CMYA5: variants seen among roughly 807,000 people sequenced by gnomAD.
CMYA5 encodes the protein cardiomyopathy associated 5, also known as cardiomyopathy-associated protein 5.
Under a neutral mutation model 318.9 loss-of-function variants are expected in CMYA5, and 246 were observed. That is an observed-to-expected ratio of 0.77 (90% CI 0.70 to 0.86). The LOEUF (loss-of-function observed/expected upper bound fraction) is 0.86. CMYA5 is among the 40% of genes least tolerant of loss of function. CMYA5 has a pLI of 0.00. For missense variants in CMYA5, 4,589 were observed against 4,678.2 expected, an observed-to-expected ratio of 0.98 and a Z score of 0.56; for synonymous variants, 1,641 against 1,729.5, an observed-to-expected ratio of 0.95 and a Z score of 1.27.
Position 79,737,619 on chromosome 5 carries a change from G to A in CMYA5, c.8854G>A (p.Glu2952Lys). 6.2e-7 allele frequency: 1 copy of A among 1,613,690 alleles called. No individual in the cohort carries two copies. Among genetic ancestry groups the A allele is most frequent in the Non-Finnish European group, 8.5e-7 (1 of 1,179,806 alleles). Residue 2952 changes from glutamate (E) to lysine (K), a missense_variant, in exon 2 of 13, where the codon GAG becomes AAG. Around this residue, in one of 3 missense-constraint regions of CMYA5, gnomAD observed 2,431 missense variants for 2,495.1 expected, o/e 0.97. Coordinates refer to ENST00000446378, the MANE Select transcript of CMYA5 (RefSeq NM_153610.5). ...CTTTAGTATCATTTCTGAAGGCTGT[G>A]AGATATTGAATATTCATGCTCCGGC... is the stretch of plus-strand genomic sequence containing the variant. ...TAFSIISEGC[E>K]ILNIHAPAFI...
chr5:79,799,873 A>ACGGCGACCAGCG lies in CMYA5; in HGVS notation c.*257_*258insCGGCGACCAGCG. The ACGGCGACCAGCG allele has an allele frequency of 7.0e-6, 1 of 142,348 alleles. No individual in the cohort carries two copies. Among genetic ancestry groups the ACGGCGACCAGCG allele is most frequent in the African/African-American group, 3.8e-5 (1 of 26,158 alleles). The allele number at this position is 142,348 out of a possible 1,614,324, so 8.8% of individuals were successfully genotyped here. On this transcript the variant is annotated 3_prime_UTR_variant, in exon 13 of 13. Coordinates refer to ENST00000446378, the MANE Select transcript of CMYA5 (RefSeq NM_153610.5). ...AAGTTTGAGTTCTTTCCTAAATTAAAAGATCTACACTTGAGTTGGGAACCG... is the reference window on the plus strand; with the variant it reads ...AAGTTTGAGTTCTTTCCTAAATTAAACGGCGACCAGCGAGATCTACACTTGAGTTGGGAACCG...
At chr5:79,756,366 C>G (rs914350170) in intron 6 of CMYA5, among the ~76,000 whole-genome samples, 6 of 150,920 alleles carry the variant, frequency 4.0e-5, no homozygotes, top group Non-Finnish European at 8.9e-5. Context: ...CCTGCCTTGC[C>G]CCTCTGTTTC....
intron 1 of CMYA5, among the ~76,000 whole-genome samples, chr5:79,717,213 T>C (rs780715242): frequency 6.6e-5 from 10 of 152,192 alleles, no homozygotes; most frequent in Admixed American, 1.3e-4. Context: ...TTTAATTAAA[T>C]ATTGCTTAAG....
chr5:79,758,935 G>A, intron 7 of CMYA5, 33 bp downstream of exon 7: 10 of 1,483,650 alleles, frequency 6.7e-6, no homozygotes, highest in Admixed American at 2.0e-5. Context: ...AAATGCATAT[G>A]CATATTCATG....
intron 9 of CMYA5, among the ~76,000 whole-genome samples, chr5:79,765,777 T>C (rs1366190553): frequency 1.3e-5 from 2 of 152,242 alleles, no homozygotes; most frequent in Non-Finnish European, 2.9e-5. Flanking sequence ...CACTCATGAT[T>C]TGGCTCTGTG....
At chr5:79,717,362 G>A (rs569603253) in intron 1 of CMYA5, among the ~76,000 whole-genome samples, 34 of 152,312 alleles carry the variant, frequency 2.2e-4, no homozygotes, top group African/African-American at 8.2e-4. Flanking sequence ...AAAGTTTACA[G>A]TCTTATAAAG....
Position 79,732,536 on chromosome 5 carries a change from A to C in CMYA5, c.3771A>C (p.Lys1257Asn). 1 of 1,613,160 alleles carries C rather than the reference A, an allele frequency of 6.2e-7. No individual in the cohort carries two copies. The highest frequency in any genetic ancestry group is 8.5e-7 in the Non-Finnish European group (1 of 1,179,604). The change falls in exon 2 of 13, where the codon AAA becomes AAC. Residue 1257 changes from lysine (K) to asparagine (N), a missense_variant. Lys to Asn is a moderately conservative substitution (Grantham distance 94). Coordinates refer to ENST00000446378, the MANE Select transcript of CMYA5 (RefSeq NM_153610.5). ...VDEPKKGVKP[K>N]LVLNVTSELE... ...AGCCAAAGAAGGGTGTCAAGCCCAA[A>C]TTAGTTCTAAATGTGACTTCTGAAC...
chr5:79,785,620 A>G (rs1375324117), intron 9 of CMYA5, among the ~76,000 whole-genome samples: 1 of 151,980 alleles, frequency 6.6e-6, no homozygotes, highest in Non-Finnish European at 1.5e-5. Flanking sequence ...TATCAGTTTT[A>G]TATCTAGCCA....
intron 8 of CMYA5, 195 bp downstream of exon 8, chr5:79,762,152 C>T (rs1318525072): frequency 1.9e-6 from 1 of 526,150 alleles, no homozygotes. Context: ...GATGGAAAAA[C>T]AGAGGATCAT....
intron 1 of CMYA5, among the ~76,000 whole-genome samples, chr5:79,696,092 A>T (rs1235599503): frequency 6.6e-6 from 1 of 152,236 alleles, no homozygotes; most frequent in Non-Finnish European, 1.5e-5. Context: ...TAGTTGGAAT[A>T]TTGAACTTGT....
At chr5:79,722,141 A>C (rs1827652115) in intron 1 of CMYA5, among the ~76,000 whole-genome samples, 1 of 152,244 alleles carries the variant, frequency 6.6e-6, no homozygotes, top group Admixed American at 6.5e-5. Context: ...ATTAAACTAG[A>C]AAGTAAACAA....
chr5:79,763,278 C>T (rs1230934548), intron 9 of CMYA5, 69 bp downstream of exon 9: 7 of 1,334,088 alleles, frequency 5.2e-6, no homozygotes, highest in Non-Finnish European at 4.0e-6. Flanking sequence ...CTAAACTACC[C>T]TCTAACTTCT....
In CMYA5 at chr5:79,732,789, G is replaced by C; in HGVS notation, c.4024G>C (p.Glu1342Gln). 1 of 1,613,658 alleles carries C rather than the reference G, an allele frequency of 6.2e-7. No homozygotes were observed. The highest frequency in any genetic ancestry group is 1.3e-5 in the African/African-American group (1 of 75,040). The change falls in exon 2 of 13, where the codon GAA becomes CAA. Residue 1342 changes from glutamate (E) to glutamine (Q), a missense_variant. Coordinates refer to ENST00000446378, the MANE Select transcript of CMYA5 (RefSeq NM_153610.5). Reference protein sequence around the residue: ...PALAFSALSEEIKKEIEPSSS... With the variant: ...PALAFSALSEQIKKEIEPSSS... ...ACTAGCATTTTCAGCTTTGTCAGAAGAAATTAAAAAAGAAATTGAACCCAG... is the reference window on the plus strand; with the variant it reads ...ACTAGCATTTTCAGCTTTGTCAGAACAAATTAAAAAAGAAATTGAACCCAG...
chr5:79,753,689 T>C (rs1828474864), intron 6 of CMYA5, among the ~76,000 whole-genome samples: 1 of 143,262 alleles, frequency 7.0e-6, no homozygotes, highest in African/African-American at 2.6e-5. Context: ...CAAAGAGTTT[T>C]AATTTAGTAA....
chr5:79,798,395 A>G (rs1013778446), intron 12 of CMYA5, among the ~76,000 whole-genome samples: 2 of 151,534 alleles, frequency 1.3e-5, no homozygotes, highest in Non-Finnish European at 2.9e-5. Context: ...CGCTACTTTC[A>G]GGGCCCCATT....
intron 12 of CMYA5, among the ~76,000 whole-genome samples, chr5:79,794,419 T>A (rs1829238800): frequency 6.6e-6 from 1 of 152,216 alleles, no homozygotes. Flanking sequence ...GGCAGGTATA[T>A]TATGATCTGA....
chr5:79,796,768 A>G (rs1449293249), intron 12 of CMYA5, among the ~76,000 whole-genome samples: 3 of 152,242 alleles, frequency 2.0e-5, no homozygotes, highest in Non-Finnish European at 4.4e-5. Flanking sequence ...ATGTTTTAAT[A>G]TATAATAAAT....
At position 79,750,487 on chromosome 5, in the gene CMYA5, A is replaced by T. The variant is rs112057268; in HGVS notation, c.10992-2189A>T. Among the ~76,000 whole-genome samples the T allele has an allele frequency of 3.6e-3, 547 of 152,274 alleles. 7 individuals carry two copies. The highest frequency in any genetic ancestry group is 0.012 in the African/African-American group (509 of 41,560). Reference sequence around the variant, plus strand: ...CACATGGATTTTCAGTTGTACAGAGAGTCAGTGCCCTAAACCCCATCTTGC... The same window carrying T: ...CACATGGATTTTCAGTTGTACAGAGTGTCAGTGCCCTAAACCCCATCTTGC... On this transcript the variant is annotated intron_variant, in intron 5 of 12. Transcript: ENST00000446378.
chr5:79,705,786 C>T (rs1827258865), intron 1 of CMYA5, among the ~76,000 whole-genome samples: 1 of 152,154 alleles, frequency 6.6e-6, no homozygotes. Context: ...TGAATACTAG[C>T]AGTTCTCTGG....
Sources: allele counts gnomAD v4.1 joint callset (sites outside exome capture counted in the v4.1 genomes callset), GRCh38; gene constraint gnomAD v4.1.1; regional missense constraint gnomAD v4.1.1; transcripts MANE v1.5; gene names NCBI Gene and HGNC (gene_info 2026-07-23, HGNC 2026-07-21).